KPNA6: variants seen among roughly 807,000 people sequenced by gnomAD.
KPNA6 encodes importin subunit alpha-7.
In KPNA6, 9 loss-of-function variants were observed where a neutral mutation model predicts 72.0. That is an observed-to-expected ratio of 0.13 (90% CI 0.08 to 0.22). KPNA6 has a LOEUF of 0.22. Among genes scored for constraint, KPNA6 ranks in the 10% least tolerant of loss-of-function variants. KPNA6 has a pLI of 1.00. For missense variants in KPNA6, 374 were observed against 655.7 expected (o/e 0.57, Z 4.69); for synonymous variants, 219 against 242.1 (o/e 0.90, Z 0.89).
intron 3 of KPNA6, among the ~76,000 whole-genome samples, 156 bp downstream of exon 3, chr1:32,157,101 T>C (rs183095452): frequency 2.6e-5 from 4 of 152,346 alleles, no homozygotes; most frequent in Admixed American, 6.5e-5. Flanking sequence ...CAACAAAGAT[T>C]CAACTTTGTT....
intron 12 of KPNA6, among the ~76,000 whole-genome samples, chr1:32,168,521 A>G (rs1240463862): frequency 1.3e-5 from 2 of 152,224 alleles, no homozygotes; most frequent in African/African-American, 4.8e-5. Context: ...TTATCTGAAC[A>G]TTAGTGGAAA....
intron 1 of KPNA6, among the ~76,000 whole-genome samples, chr1:32,147,776 C>T (rs755172657): frequency 2.0e-5 from 3 of 149,374 alleles, no homozygotes; most frequent in South Asian, 2.1e-4. Flanking sequence ...CCTTCCACCT[C>T]GTCCTCCCAA....
In KPNA6 at chr1:32,133,186, A is replaced by C. The variant is rs1641671474; in HGVS notation, c.5-21402A>C. 2.0e-5 allele frequency among the ~76,000 whole-genome samples: 3 copies of C among 151,440 alleles called. 1 individual carries two copies. The highest frequency in any genetic ancestry group is 1.3e-4 in the Admixed American group (2 of 15,204). ...TGTTGAAACCTCATCTCTACAAAAA[A>C]TACGAAAATTAGCCGGGTGTGGTGG... On this transcript the variant is annotated intron_variant, in intron 1 of 13. Coordinates refer to ENST00000373625, the MANE Select transcript of KPNA6 (RefSeq NM_012316.5).
intron 1 of KPNA6, among the ~76,000 whole-genome samples, chr1:32,153,016 CAAAAA>C (rs766574019): frequency 2.0e-4 from 7 of 34,966 alleles, no homozygotes; most frequent in Non-Finnish European, 3.3e-4. Context: ...GACTCCATCT[CAAAAA>C]AAAAAAAAAA....
At chr1:32,111,307 A>G (rs1329056708) in intron 1 of KPNA6, among the ~76,000 whole-genome samples, 1 of 152,202 alleles carries the variant, frequency 6.6e-6, no homozygotes, top group East Asian at 1.9e-4. Context: ...TGCAGCACAT[A>G]AATCTATAAG....
At chr1:32,127,736 G>GC (rs1641559423) in intron 1 of KPNA6, among the ~76,000 whole-genome samples, 1 of 152,214 alleles carries the variant, frequency 6.6e-6, no homozygotes, top group Middle Eastern at 3.4e-3. Context: ...CTGGTCTTGT[G>GC]CCCCAAACCC....
chr1:32,118,997 C>CATATAT lies in KPNA6; in HGVS notation c.4+10894_4+10899dup, dbSNP rs71578197. Among the ~76,000 whole-genome samples, 379 of 59,752 alleles carry CATATAT rather than the reference C, an allele frequency of 6.3e-3. 9 individuals are homozygous for CATATAT. The highest frequency in any genetic ancestry group is 0.016 in the Middle Eastern group (1 of 62). 39.2% of individuals were successfully genotyped at this position (59,752 alleles called of 152,430 possible). A position where few individuals can be genotyped will look rare whatever the true frequency, so the allele number is the denominator to read the frequency against. ...ATGTGTGTGTGTGTGTGTGTGTATA[C>CATATAT]ATATATATATATATATATATATATA... On this transcript the variant is annotated intron_variant, in intron 1 of 13. Transcript: ENST00000373625.
intron 9 of KPNA6, 96 bp from the exon 10 acceptor site, chr1:32,163,139 G>A (rs1642271311): frequency 2.6e-6 from 2 of 769,162 alleles, no homozygotes; most frequent in Non-Finnish European, 4.6e-6. Flanking sequence ...AAGGGTACAG[G>A]TTCCTTAAGC....
In KPNA6 at chr1:32,163,273, C is replaced by T. The variant is rs1341901080; in HGVS notation, c.950C>T (p.Ala317Val). ...AAAGTGGCTTCTCCTGCCCTGAGAG[C>T]CGTGGGTAACATCGTCACTGGGGAT... ...DYKVASPALR[A>V]VGNIVTGDDI... is the part of the protein sequence containing the mutation. The change falls in exon 10 of 14, where the codon GCC (alanine) becomes GTC (valine). Residue 317 changes from alanine to valine, a missense_variant. By Grantham distance (64) the Ala-to-Val change is moderately conservative. Around this residue, in one of 3 missense-constraint regions of KPNA6, gnomAD observed 298 missense variants for 495.4 expected, o/e 0.60. Coordinates refer to ENST00000373625, the MANE Select transcript of KPNA6 (RefSeq NM_012316.5). 1 of 1,613,294 alleles carries T rather than the reference C, an allele frequency of 6.2e-7. No individual in the cohort carries two copies. The highest frequency in any genetic ancestry group is 1.1e-5 in the South Asian group (1 of 90,882).
At chr1:32,156,994 T>C (rs747413301) in intron 3 of KPNA6, 49 bp downstream of exon 3, 1 of 1,393,014 alleles carries the variant, frequency 7.2e-7, no homozygotes, top group Non-Finnish European at 1.0e-6. Flanking sequence ...CACCTGCTTC[T>C]AAGGACAGAA....
intron 1 of KPNA6, among the ~76,000 whole-genome samples, chr1:32,134,002 G>A (rs1290699012): frequency 6.6e-6 from 1 of 152,118 alleles, no homozygotes; most frequent in African/African-American, 2.4e-5. Context: ...CGGCACTTTG[G>A]GAGGCTGAAG....
intron 1 of KPNA6, among the ~76,000 whole-genome samples, chr1:32,128,764 G>A (rs996941874): frequency 6.6e-6 from 1 of 151,984 alleles, no homozygotes; most frequent in Non-Finnish European, 1.5e-5. Context: ...GTTTCAAACT[G>A]TTTTCTCGTT....
At chr1:32,133,332 A>C (rs1275101023) in intron 1 of KPNA6, among the ~76,000 whole-genome samples, 1 of 151,822 alleles carries the variant, frequency 6.6e-6, no homozygotes, top group Non-Finnish European at 1.5e-5. Context: ...TGACAGAGCA[A>C]GACCTTGTCT....
intron 1 of KPNA6, among the ~76,000 whole-genome samples, chr1:32,138,505 T>C (rs1166921339): frequency 7.1e-6 from 1 of 141,140 alleles, no homozygotes; most frequent in Non-Finnish European, 1.5e-5. Flanking sequence ...ATCGCGCCAT[T>C]GCACTCCAGC....
At chr1:32,170,193 C>A (rs1642411362) in intron 13 of KPNA6, 133 bp downstream of exon 13, 2 of 769,550 alleles carry the variant, frequency 2.6e-6, no homozygotes, top group Non-Finnish European at 4.1e-6. Flanking sequence ...TCTGTGTCTT[C>A]AGAACAGTTA....
At chr1:32,169,175 C>T (rs1042299249) in intron 12 of KPNA6, among the ~76,000 whole-genome samples, 1 of 151,806 alleles carries the variant, frequency 6.6e-6, no homozygotes, top group African/African-American at 2.4e-5. Context: ...TGAGACCAGC[C>T]TGGACAACAT....
chr1:32,163,103 CA>C (rs369879847), intron 9 of KPNA6, 131 bp from the exon 10 acceptor site: 4,546 of 491,570 alleles, frequency 9.2e-3, no homozygotes, highest in South Asian at 0.014. Flanking sequence ...GACTCTGTCT[CA>C]AAAAAAAAAG....
chr1:32,175,815 C>T lies in KPNA6; in HGVS notation c.*4921C>T, dbSNP rs894416061. 7.4e-6 allele frequency: 1 copy of T among 134,402 alleles called. No individual in the cohort carries two copies. Among genetic ancestry groups the T allele is most frequent in the Non-Finnish European group, 1.6e-5 (1 of 63,220 alleles). The allele number at this position is 134,402 out of a possible 1,614,324, so 8.3% of individuals were successfully genotyped here. A position where few individuals can be genotyped will look rare whatever the true frequency, so the allele number is the denominator to read the frequency against. On this transcript the variant is annotated 3_prime_UTR_variant, in exon 14 of 14. Coordinates refer to ENST00000373625, the MANE Select transcript of KPNA6 (RefSeq NM_012316.5). ...AAAAAAAAAAAAAAATCCACATCTT[C>T]AGCTGGGCGCGGTGGCTCATGCCTG...
At chr1:32,151,776 T>A (rs1335149927) in intron 1 of KPNA6, among the ~76,000 whole-genome samples, 1 of 152,206 alleles carries the variant, frequency 6.6e-6, no homozygotes, top group Non-Finnish European at 1.5e-5. Context: ...ATCCCTCTTA[T>A]TCCATCATGG....
Sources: allele counts gnomAD v4.1 joint callset (sites outside exome capture counted in the v4.1 genomes callset), GRCh38; gene constraint gnomAD v4.1.1; regional missense constraint gnomAD v4.1.1; transcripts MANE v1.5; gene names NCBI Gene and HGNC (gene_info 2026-07-23, HGNC 2026-07-21).